Variants in CLU observed in about 807,000 individuals in gnomAD.
CLU encodes the protein clusterin.
A neutral mutation model predicts 46.4 loss-of-function variants in CLU; 25 were observed. The observed-to-expected ratio is 0.54, with a 90% CI of 0.39 to 0.75. CLU has a LOEUF of 0.75. Ranked by LOEUF, CLU falls within the 30% of genes least tolerant of loss-of-function variation. The probability of loss-of-function intolerance (pLI) is 0.00; values close to 1 mark genes in which losing one functional copy is unlikely to be tolerated. For synonymous variants in CLU, 235 were observed against 235.1 expected, an observed-to-expected ratio of 1.00 and a Z score of 0.00; for missense variants, 504 against 592.1, an observed-to-expected ratio of 0.85 and a Z score of 1.54.
intron 1 of CLU, chr8:27,611,307 C>T (rs751633955): frequency 1.3e-5 from 6 of 454,992 alleles, no homozygotes; most frequent in African/African-American, 1.2e-4. Flanking sequence ...AGAGAGGGTT[C>T]GCAGTGGCCC....
intron 2 of CLU, 111 bp from the exon 3 acceptor site, chr8:27,609,197 C>T (rs1031952890): frequency 5.9e-6 from 7 of 1,179,498 alleles, no homozygotes; most frequent in Admixed American, 3.4e-5. Flanking sequence ...GCTGTCAAGG[C>T]TGGGACCCCC....
At chr8:27,611,662 C>G (rs1290821398) in intron 1 of CLU, 4 of 457,742 alleles carry the variant, frequency 8.7e-6, no homozygotes, top group African/African-American at 4.0e-5. Context: ...GGTTCACATC[C>G]AAAGCCCGCT....
At chr8:27,601,087 T>C (rs1585251613) in intron 6 of CLU, among the ~76,000 whole-genome samples, 1 of 152,168 alleles carries the variant, frequency 6.6e-6, no homozygotes, top group East Asian at 1.9e-4. Flanking sequence ...TCGCTCTTGT[T>C]TCCCAGGCTG....
rs952814148 is a variant in CLU at position 27,597,344 on chromosome 8, G to T, written c.*897C>A. 1.8e-5 allele frequency: 8 copies of T among 454,400 alleles called. No individual in the cohort carries two copies. The highest frequency in any genetic ancestry group is 1.4e-4 in the African/African-American group (7 of 49,984). The allele number at this position is 454,400 out of a possible 1,614,324, so 28.1% of individuals were successfully genotyped here. On this transcript the variant is annotated 3_prime_UTR_variant, in exon 9 of 9. Coordinates refer to ENST00000316403, the MANE Select transcript of CLU (RefSeq NM_001831.4). The stretch of plus-strand genomic sequence containing the variant: ...CATGGCCACCTGCTGGCAGCGTAGG[G>T]TACTGCAGCCCAGCTATGGTTCAGA...
chr8:27,601,568 A>G (rs910693734), intron 6 of CLU, among the ~76,000 whole-genome samples: 2 of 152,202 alleles, frequency 1.3e-5, no homozygotes, highest in African/African-American at 4.8e-5. Flanking sequence ...GAAACTGTCC[A>G]CTAGCTCTTA....
At chr8:27,598,987 G>A (rs924777103) in intron 7 of CLU, 4 of 184,628 alleles carry the variant, frequency 2.2e-5, no homozygotes, top group African/African-American at 9.4e-5. Context: ...AAAAGAAAAA[G>A]AAGAGTTCCC....
intron 2 of CLU, among the ~76,000 whole-genome samples, chr8:27,609,687 G>A (rs967748325): frequency 8.5e-5 from 13 of 152,256 alleles, no homozygotes; most frequent in South Asian, 4.1e-4. Context: ...GCCCCCCGCC[G>A]TGCCCACTTC....
chr8:27,606,277 G>T, intron 4 of CLU, 77 bp downstream of exon 4: 1 of 1,517,140 alleles, frequency 6.6e-7, no homozygotes, highest in South Asian at 1.1e-5. Context: ...CATCTGGCAT[G>T]CGGAATGAAG....
chr8:27,604,227 GCCCCAGTGA>G (rs765965098), intron 6 of CLU, 55 bp downstream of exon 6: 80 of 1,261,546 alleles, frequency 6.3e-5, no homozygotes, highest in Non-Finnish European at 9.2e-5. Flanking sequence ...CACCAGTGAG[GCCCCAGTGA>G]CCCCAGGACA....
intron 4 of CLU, among the ~76,000 whole-genome samples, chr8:27,605,979 G>A (rs957101319): frequency 3.6e-4 from 55 of 152,022 alleles, no homozygotes; most frequent in African/African-American, 1.2e-3. Context: ...GGTCGAAGCT[G>A]CAGTGAAACA....
chr8:27,605,440 A>G, intron 4 of CLU, 105 bp from the exon 5 acceptor site: 1 of 1,181,448 alleles, frequency 8.5e-7, no homozygotes, highest in Non-Finnish European at 1.2e-6. Flanking sequence ...CATGGCTGTA[A>G]CAGTCACACA....
rs191418113 is a variant in CLU at position 27,597,353 on chromosome 8, C to G, written c.*888G>C. ...CTGCTGGCAGCGTAGGGTACTGCAG[C>G]CCAGCTATGGTTCAGACTAAAAGCC... On this transcript the variant is annotated 3_prime_UTR_variant, in exon 9 of 9. Coordinates refer to ENST00000316403, the MANE Select transcript of CLU (RefSeq NM_001831.4). 2.2e-5 allele frequency: 10 copies of G among 454,380 alleles called. No homozygotes were observed. Among genetic ancestry groups the G allele is most frequent in the African/African-American group, 1.6e-4 (8 of 49,978 alleles). The allele number at this position is 454,380 out of a possible 1,614,324, so 28.1% of individuals were successfully genotyped here. A position where few individuals can be genotyped will look rare whatever the true frequency, so the allele number is the denominator to read the frequency against.
chr8:27,599,814 T>C lies in CLU; in HGVS notation c.1130A>G (p.Gln377Arg). The C allele has an allele frequency of 6.2e-7, 1 of 1,613,746 alleles. No homozygotes were observed. ...CCGCAGATAGTACTGGTCTTCGCCTTGCGTGAGGTTTGCCAGCCGGGACAC... is the reference window on the plus strand; with the variant it reads ...CCGCAGATAGTACTGGTCTTCGCCTCGCGTGAGGTTTGCCAGCCGGGACAC... ...NWVSRLANLTQGEDQYYLRVT... is the reference protein window; with the variant it reads ...NWVSRLANLTRGEDQYYLRVT... Residue 377 changes from glutamine to arginine, a missense_variant, in exon 7 of 9, where the codon CAA becomes CGA. Transcript: ENST00000316403. The surrounding 1 kb of genome is among the most constrained non-coding windows in gnomAD (Gnocchi z 4.0).
chr8:27,604,936 C>T lies in CLU; in HGVS notation c.817G>A (p.Glu273Lys). 3 of 1,614,164 alleles carry T rather than the reference C, an allele frequency of 1.9e-6. No homozygotes were observed. The highest frequency in any genetic ancestry group is 2.5e-6 in the Non-Finnish European group (3 of 1,180,036). ...CACCCCTTCTCACCTCGTATGAATT[C>T]TGTTGGCGGGTGCTGGAAGGCCGGG... ...HSPAFQHPPT[E>K]FIREGDDDRT... Residue 273 changes from glutamate (E) to lysine (K), a missense_variant, in exon 5 of 9, where the codon GAA becomes AAA. This residue lies in a region of CLU where 428 missense variants were observed against 484.0 expected (regional missense o/e 0.88). Coordinates refer to ENST00000316403, the MANE Select transcript of CLU (RefSeq NM_001831.4).
Position 27,597,794 on chromosome 8 carries a change from T to G in CLU, c.*447A>C, listed in dbSNP as rs765754638. On this transcript the variant is annotated 3_prime_UTR_variant, in exon 9 of 9. Transcript: ENST00000316403. ...ATCTCTCTTCCTGAAAGCAAGCAAT[T>G]CTTGAAGTGGATCAACCTTGTCATC... 1 of 458,576 alleles carries G rather than the reference T, an allele frequency of 2.2e-6. No homozygotes were observed. The highest frequency in any genetic ancestry group is 1.6e-5 in the South Asian group (1 of 64,514). 28.4% of individuals were successfully genotyped at this position (458,576 alleles called of 1,614,324 possible).
Position 27,597,171 on chromosome 8 carries a change from A to G in CLU, c.*1070T>C, listed in dbSNP as rs1800613575. On this transcript the variant is annotated 3_prime_UTR_variant, in exon 9 of 9. Transcript: ENST00000316403. Reference sequence around the variant, plus strand: ...TGACTTAAGAATATTCTAAGCTATAAATTTACATGTGGACTTTGCTACACA... The same window carrying G: ...TGACTTAAGAATATTCTAAGCTATAGATTTACATGTGGACTTTGCTACACA... 2.2e-6 allele frequency: 1 copy of G among 454,064 alleles called. No individual in the cohort carries two copies. Among genetic ancestry groups the G allele is most frequent in the African/African-American group, 2.0e-5 (1 of 50,014 alleles). The allele number at this position is 454,064 out of a possible 1,614,324, so 28.1% of individuals were successfully genotyped here.
chr8:27,606,950 G>A (rs1399235463), intron 3 of CLU, among the ~76,000 whole-genome samples: 3 of 152,158 alleles, frequency 2.0e-5, no homozygotes, highest in South Asian at 4.1e-4. Context: ...GCCTCCTGGC[G>A]TGCAAAGGGA....
In CLU at chr8:27,605,012, G is replaced by A. The variant is rs765139175; in HGVS notation, c.741C>T (p.Phe247=). The change falls in exon 5 of 9, where the codon TTC becomes TTT. Residue 247 remains phenylalanine (F), a synonymous_variant. Coordinates refer to ENST00000316403, the MANE Select transcript of CLU (RefSeq NM_001831.4). ...GCTGAGCCTCGTGTATCATCTCAAGGAAGGGCTGGAACATGGCGTGGAAGT... is the reference window on the plus strand; with the variant it reads ...GCTGAGCCTCGTGTATCATCTCAAGAAAGGGCTGGAACATGGCGTGGAAGT... ...PLNFHAMFQP[F]LEMIHEAQQA... The A allele has an allele frequency of 3.1e-6, 5 of 1,614,032 alleles. No homozygotes were observed. Among genetic ancestry groups the A allele is most frequent in the Middle Eastern group, 1.6e-4 (1 of 6,084 alleles).
At chr8:27,609,917 C>T (rs1256548114) in intron 2 of CLU, among the ~76,000 whole-genome samples, 1 of 152,038 alleles carries the variant, frequency 6.6e-6, no homozygotes, top group Non-Finnish European at 1.5e-5. Flanking sequence ...AACATCACGT[C>T]ATATACCTTA....
Sources: allele counts gnomAD v4.1 joint callset (sites outside exome capture counted in the v4.1 genomes callset), GRCh38; gene constraint gnomAD v4.1.1; regional missense constraint gnomAD v4.1.1; non-coding constraint Gnocchi (gnomAD v3.1); transcripts MANE v1.5; gene names NCBI Gene and HGNC (gene_info 2026-07-23, HGNC 2026-07-21).